Variants in MACO1 observed in about 807,000 individuals in gnomAD.
The protein encoded by MACO1 is macoilin.
MACO1 carries 14 observed loss-of-function variants against 78.7 expected under a neutral mutation model. That is an observed-to-expected ratio of 0.18 (90% CI 0.12 to 0.28). The LOEUF is 0.28. MACO1 is among the 10% of genes least tolerant of loss of function. MACO1 has a pLI of 1.00. For synonymous variants in MACO1, 288 were observed against 291.6 expected (o/e 0.99, Z 0.12); for missense variants, 501 against 799.0 (o/e 0.63, Z 4.50).
At chr1:25,449,963 G>A (rs1571957534) in intron 3 of MACO1, among the ~76,000 whole-genome samples, 2 of 152,308 alleles carry the variant, frequency 1.3e-5, no homozygotes, top group Middle Eastern at 6.8e-3. Context: ...AGGTGGCAGT[G>A]AGCTGAGACT....
At chr1:25,480,090 C>T (rs906461850) in intron 6 of MACO1, among the ~76,000 whole-genome samples, 2 of 152,142 alleles carry the variant, frequency 1.3e-5, no homozygotes, top group Admixed American at 6.5e-5. Context: ...AAACTCAATG[C>T]AGGTGGTAAA....
chr1:25,443,936 C>A lies in MACO1; in HGVS notation c.81-2826C>A, dbSNP rs61777620. Among the ~76,000 whole-genome samples, 7 of 136,490 alleles carry A rather than the reference C, an allele frequency of 5.1e-5. No homozygotes were observed. The East Asian group carries it at 1.4e-3, about 27-fold the overall frequency. 89.5% of individuals were successfully genotyped at this position (136,490 alleles called of 152,430 possible). Reference sequence around the variant, plus strand: ...TCAGGAAAAATAATATATTTCCATGCCCTTTTTTTTTTTTTTTTAAGAGAT... The same window carrying A: ...TCAGGAAAAATAATATATTTCCATGACCTTTTTTTTTTTTTTTTAAGAGAT... On this transcript the variant is annotated intron_variant, in intron 1 of 10. Coordinates refer to ENST00000374343, the MANE Select transcript of MACO1 (RefSeq NM_018202.6).
chr1:25,492,752 G>A (rs1185585610), intron 10 of MACO1, among the ~76,000 whole-genome samples: 1 of 152,142 alleles, frequency 6.6e-6, no homozygotes, highest in East Asian at 1.9e-4. Flanking sequence ...AAATTGATTA[G>A]CTATCCAACC....
chr1:25,489,061 T>G, intron 8 of MACO1, 112 bp from the exon 9 acceptor site: 1 of 1,335,342 alleles, frequency 7.5e-7, no homozygotes, highest in Non-Finnish European at 1.0e-6. Context: ...CCTCAAATAA[T>G]CTGCCTGCCT....
rs201867424 is a variant in MACO1, at chr1:25,466,309, TTTTA to T, written c.1154+7433_1154+7436del. Among the ~76,000 whole-genome samples, 1,202 of 152,130 alleles carry T rather than the reference TTTTA, an allele frequency of 7.9e-3. 8 individuals carry two copies. Among genetic ancestry groups the T allele is most frequent in the Non-Finnish European group, 8.7e-3 (592 of 67,990 alleles). ...GTCTTTTTGATATTAGTTCTGCCCA[TTTTA>T]TTTATTTATTTATTTTTGAGACGGA... is the stretch of plus-strand genomic sequence containing the variant. On this transcript the variant is annotated intron_variant, in intron 6 of 10. Transcript: ENST00000374343.
Position 25,448,816 on chromosome 1 carries a change from A to G in MACO1, c.231A>G (p.Ser77=), listed in dbSNP as rs1171539955. The change falls in exon 3 of 11, where the codon TCA becomes TCG. Residue 77 remains serine, a synonymous_variant. Coordinates refer to ENST00000374343, the MANE Select transcript of MACO1 (RefSeq NM_018202.6). ...TTTATTTTTCCCTTTAGGCCTTCTC[A>G]GTATTTTTTGTTTGTGTAGCATTCA... ...DSFRYQGLAF[S]VFFVCVAFTS... 1 of 1,544,480 alleles carries G rather than the reference A, an allele frequency of 6.5e-7. No individual in the cohort carries two copies.
chr1:25,466,045 C>T (rs907559662), intron 6 of MACO1, among the ~76,000 whole-genome samples: 9 of 152,126 alleles, frequency 5.9e-5, no homozygotes, highest in Non-Finnish European at 8.8e-5. Flanking sequence ...CATATCTTTG[C>T]TATTGTGACT....
intron 8 of MACO1, among the ~76,000 whole-genome samples, chr1:25,487,960 A>G (rs1304359979): frequency 2.0e-5 from 3 of 152,172 alleles, no homozygotes; most frequent in Admixed American, 6.5e-5. Context: ...AATGGGATAA[A>G]TATACCCTAG....
At chr1:25,446,660 A>G in intron 1 of MACO1, 102 bp from the exon 2 acceptor site, 1 of 1,146,992 alleles carries the variant, frequency 8.7e-7, no homozygotes. Flanking sequence ...TTCATGATAT[A>G]TGGAGGTATT....
At position 25,478,765 on chromosome 1, in the gene MACO1, A is replaced by T. The variant is rs145007624; in HGVS notation, c.1155-5351A>T. On this transcript the variant is annotated intron_variant, in intron 6 of 10. Transcript: ENST00000374343. ...GGCTTGTTCAGTTGGACAAAAATGG[A>T]CATATTTATTGTACATATAAACTCC... 4.5e-3 allele frequency among the ~76,000 whole-genome samples: 689 copies of T among 152,332 alleles called. 5 individuals carry two copies. The highest frequency in any genetic ancestry group is 0.016 in the African/African-American group (661 of 41,574).
In MACO1 at chr1:25,499,747, T is replaced by A. The variant is rs1160569790; in HGVS notation, c.*1281T>A. The A allele has an allele frequency of 1.3e-5, 2 of 151,992 alleles. No homozygotes were observed. The highest frequency in any genetic ancestry group is 4.8e-5 in the African/African-American group (2 of 41,370). The allele number at this position is 151,992 out of a possible 1,614,324, so 9.4% of individuals were successfully genotyped here. A position where few individuals can be genotyped will look rare whatever the true frequency, so the allele number is the denominator to read the frequency against. ...AATTGTATTTGGAAACTAGGAAAAA[T>A]TAAGAAACCAAATAAATTGGTTTTG... On this transcript the variant is annotated 3_prime_UTR_variant, in exon 11 of 11. Coordinates refer to ENST00000374343, the MANE Select transcript of MACO1 (RefSeq NM_018202.6).
At chr1:25,453,528 TG>T (rs2043087066) in intron 3 of MACO1, among the ~76,000 whole-genome samples, 1 of 150,430 alleles carries the variant, frequency 6.6e-6, no homozygotes, top group Admixed American at 6.6e-5. Flanking sequence ...CCGGTCGTGG[TG>T]GTGGGCGCCT....
At chr1:25,438,762 G>A (rs927213759) in intron 1 of MACO1, among the ~76,000 whole-genome samples, 1 of 152,156 alleles carries the variant, frequency 6.6e-6, no homozygotes, top group Admixed American at 6.5e-5. Flanking sequence ...AATTAGCTGG[G>A]CGTGGTAGCA....
intron 6 of MACO1, among the ~76,000 whole-genome samples, chr1:25,463,446 C>G (rs927680547): frequency 6.6e-6 from 1 of 152,182 alleles, no homozygotes; most frequent in Non-Finnish European, 1.5e-5. Context: ...AAACATATAC[C>G]TTACAAAATG....
intron 6 of MACO1, among the ~76,000 whole-genome samples, chr1:25,470,843 C>T (rs1348183291): frequency 3.3e-5 from 5 of 151,990 alleles, no homozygotes; most frequent in South Asian, 4.1e-4. Flanking sequence ...GCCTGGCCAA[C>T]ATGGCGAAAC....
At position 25,498,602 on chromosome 1, in the gene MACO1, G is replaced by A. The variant is rs1231418614; in HGVS notation, c.*136G>A. 2.8e-5 allele frequency: 23 copies of A among 830,404 alleles called. No individual in the cohort carries two copies. In the Admixed American group the frequency reaches 3.9e-4, roughly 14 times the overall value. The allele number at this position is 830,404 out of a possible 1,614,324, so 51.4% of individuals were successfully genotyped here. On this transcript the variant is annotated 3_prime_UTR_variant, in exon 11 of 11. Transcript: ENST00000374343. ...ATCTGTTGTCATTTTTAAAAAGGGG[G>A]GAAAAGATAACATCCAAGTCTGATT...
chr1:25,444,215 T>C (rs1486866441), intron 1 of MACO1, among the ~76,000 whole-genome samples: 1 of 149,816 alleles, frequency 6.7e-6, no homozygotes, highest in East Asian at 2.1e-4. Context: ...GCTGAAATCA[T>C]GCCACCACAC....
At chr1:25,486,029 A>G (rs1362929247) in intron 8 of MACO1, among the ~76,000 whole-genome samples, 4 of 152,208 alleles carry the variant, frequency 2.6e-5, no homozygotes, top group Admixed American at 1.3e-4. Context: ...GGGAATCACC[A>G]TGTTTCCCAT....
intron 6 of MACO1, among the ~76,000 whole-genome samples, chr1:25,469,967 G>T (rs537558092): frequency 3.9e-4 from 59 of 152,172 alleles, no homozygotes; most frequent in African/African-American, 1.3e-3. Flanking sequence ...ATTTGGTCTT[G>T]CAGTTTAGGA....
Sources: allele counts gnomAD v4.1 joint callset (sites outside exome capture counted in the v4.1 genomes callset), GRCh38; gene constraint gnomAD v4.1.1; transcripts MANE v1.5; gene names NCBI Gene and HGNC (gene_info 2026-07-23, HGNC 2026-07-21).